Variants in EPHB1 observed in about 807,000 individuals in gnomAD.
The protein encoded by EPHB1 is EPH receptor B1.
EPHB1 carries 30 observed loss-of-function variants against 94.4 expected under a neutral mutation model. The ratio of observed to expected loss-of-function variants is 0.32; its 90% confidence interval spans 0.24 to 0.43. EPHB1 has a LOEUF of 0.43. Among genes scored for constraint, EPHB1 ranks in the 20% least tolerant of loss-of-function variants. The pLI, the probability that EPHB1 is intolerant of heterozygous loss-of-function variation, is 1.00. For synonymous variants in EPHB1, 522 were observed against 489.1 expected (o/e 1.07, Z -0.89); for missense variants, 1,055 against 1,308.3 (o/e 0.81, Z 2.99).
chr3:135,221,759 A>G (rs1943283351), intron 12 of EPHB1, among the ~76,000 whole-genome samples: 1 of 152,222 alleles, frequency 6.6e-6, no homozygotes, highest in Non-Finnish European at 1.5e-5. Flanking sequence ...TCACATGACT[A>G]CTGTAACGAT....
intron 4 of EPHB1, among the ~76,000 whole-genome samples, chr3:135,109,749 G>A (rs1409585149): frequency 6.6e-6 from 1 of 152,228 alleles, no homozygotes; most frequent in African/African-American, 2.4e-5. Flanking sequence ...AAGGAAGGAG[G>A]CACAGGCAGA....
rs1019294115 is a variant in EPHB1 at position 135,170,695 on chromosome 3, A to G, written c.1759+3689A>G. On this transcript the variant is annotated intron_variant, in intron 9 of 15. Coordinates refer to ENST00000398015, the MANE Select transcript of EPHB1 (RefSeq NM_004441.5). ...GTATAAGTTTGAGAATCTATCTTGA[A>G]AAAAGTTCCAGTTGATTCTACATTT... Among the ~76,000 whole-genome samples the G allele has an allele frequency of 6.6e-5, 10 of 152,166 alleles. 1 individual carries two copies. The highest frequency in any genetic ancestry group is 1.5e-5 in the Non-Finnish European group (1 of 68,036).
intron 3 of EPHB1, among the ~76,000 whole-genome samples, chr3:134,971,094 G>A (rs2107726809): frequency 6.6e-6 from 1 of 152,302 alleles, no homozygotes. Flanking sequence ...CTGTTTAGGA[G>A]GCAAAGTCGG....
chr3:134,799,400 A>G (rs899101793), intron 1 of EPHB1, among the ~76,000 whole-genome samples: 11 of 152,260 alleles, frequency 7.2e-5, no homozygotes, highest in African/African-American at 2.4e-4. Flanking sequence ...GAGAAAGAAA[A>G]GCAAATTTGA....
chr3:135,175,651 G>T (rs1009037602), intron 9 of EPHB1, among the ~76,000 whole-genome samples: 1 of 151,858 alleles, frequency 6.6e-6, no homozygotes, highest in African/African-American at 2.4e-5. Flanking sequence ...GACAATAATT[G>T]GAAACTATAA....
At chr3:135,214,816 G>C (rs1178588346) in intron 12 of EPHB1, among the ~76,000 whole-genome samples, 2 of 152,136 alleles carry the variant, frequency 1.3e-5, no homozygotes, top group Admixed American at 1.3e-4. Context: ...TGATCCCTGT[G>C]TTCAGCAATG....
At chr3:134,934,386 G>C (rs1308925678) in intron 2 of EPHB1, among the ~76,000 whole-genome samples, 1 of 152,186 alleles carries the variant, frequency 6.6e-6, no homozygotes, top group Non-Finnish European at 1.5e-5. Context: ...GGAAGGCAGT[G>C]GCCACGAGAT....
At chr3:135,239,292 T>C (rs1472661761) in intron 12 of EPHB1, among the ~76,000 whole-genome samples, 1 of 151,946 alleles carries the variant, frequency 6.6e-6, no homozygotes, top group East Asian at 1.9e-4. Context: ...GCTCCTTTTT[T>C]TTTTCTGCCT....
At chr3:135,205,559 G>C (rs184471039) in intron 12 of EPHB1, among the ~76,000 whole-genome samples, 10 of 152,180 alleles carry the variant, frequency 6.6e-5, no homozygotes, top group Admixed American at 6.5e-4. Flanking sequence ...AAGGGGGTTT[G>C]TTTTATATTT....
At chr3:134,878,994 G>A (rs544579863) in intron 1 of EPHB1, among the ~76,000 whole-genome samples, 13 of 152,292 alleles carry the variant, frequency 8.5e-5, no homozygotes, top group East Asian at 5.8e-4. Flanking sequence ...GACTTTCTCC[G>A]TTAAGATAAT....
chr3:134,943,643 T>A (rs2039163555), intron 2 of EPHB1, among the ~76,000 whole-genome samples: 2 of 152,214 alleles, frequency 1.3e-5, no homozygotes, highest in Non-Finnish European at 2.9e-5. Context: ...GACCACACCC[T>A]GATACTCCCC....
intron 1 of EPHB1, among the ~76,000 whole-genome samples, chr3:134,825,918 C>T (rs2036468585): frequency 6.6e-6 from 1 of 152,028 alleles, no homozygotes; most frequent in Non-Finnish European, 1.5e-5. Flanking sequence ...TGTTTTTCTA[C>T]ATTTTATTTT....
chr3:135,086,659 C>A (rs942887201), intron 3 of EPHB1, among the ~76,000 whole-genome samples: 5 of 151,990 alleles, frequency 3.3e-5, no homozygotes, highest in African/African-American at 1.2e-4. Flanking sequence ...CCACCAGGAC[C>A]CTCACTCTCC....
intron 6 of EPHB1, among the ~76,000 whole-genome samples, chr3:135,160,888 G>A (rs1310011249): frequency 1.3e-5 from 2 of 152,154 alleles, no homozygotes; most frequent in African/African-American, 4.8e-5. Context: ...ACAAAGAAAA[G>A]AGCCTAAGCA....
chr3:135,005,690 C>T (rs556917815), intron 3 of EPHB1, among the ~76,000 whole-genome samples: 6 of 152,218 alleles, frequency 3.9e-5, no homozygotes, highest in African/African-American at 9.6e-5. Flanking sequence ...GTCGGAAAAG[C>T]GCAGTATTCG....
chr3:135,219,684 C>G (rs1406726498), intron 12 of EPHB1, among the ~76,000 whole-genome samples: 1 of 152,214 alleles, frequency 6.6e-6, no homozygotes, highest in Non-Finnish European at 1.5e-5. Context: ...TTTGCAGAAG[C>G]ATTGCCTTCC....
chr3:135,244,711 TATA>T (rs1042080527), intron 13 of EPHB1, among the ~76,000 whole-genome samples: 2 of 152,224 alleles, frequency 1.3e-5, no homozygotes, highest in Non-Finnish European at 2.9e-5. Context: ...TATTTTTTGA[TATA>T]ATGATATTGT....
chr3:134,798,729 T>C (rs563735285), intron 1 of EPHB1, among the ~76,000 whole-genome samples: 1 of 152,324 alleles, frequency 6.6e-6, no homozygotes, highest in South Asian at 2.1e-4. Flanking sequence ...TTGTTGAGAA[T>C]GGGCTGCTGG....
At chr3:135,126,684 A>G (rs748874728) in intron 4 of EPHB1, among the ~76,000 whole-genome samples, 10 of 152,206 alleles carry the variant, frequency 6.6e-5, no homozygotes, top group Non-Finnish European at 1.2e-4. Flanking sequence ...CAGGTACCAG[A>G]GATCATCTCT....
Sources: allele counts gnomAD v4.1 joint callset (sites outside exome capture counted in the v4.1 genomes callset), GRCh38; gene constraint gnomAD v4.1.1; transcripts MANE v1.5; gene names NCBI Gene and HGNC (gene_info 2026-07-23, HGNC 2026-07-21).